The following SUCLG2 variants were observed in gnomAD, a reference collection of about 807,000 sequenced individuals.
SUCLG2 encodes succinate--CoA ligase [GDP-forming] subunit beta, mitochondrial.
In SUCLG2, 42 loss-of-function variants were observed where a neutral mutation model predicts 47.9. The ratio of observed to expected loss-of-function variants is 0.88; its 90% confidence interval spans 0.69 to 1.14. The LOEUF (loss-of-function observed/expected upper bound fraction) is 1.14. Ranked by LOEUF, SUCLG2 falls within the 50% of genes most tolerant of loss-of-function variation. The pLI, the probability that SUCLG2 is intolerant of heterozygous loss-of-function variation, is 0.00. For missense variants in SUCLG2, 571 were observed against 525.9 expected, an observed-to-expected ratio of 1.09 and a Z score of -0.84; for synonymous variants, 195 against 197.3, an observed-to-expected ratio of 0.99 and a Z score of 0.10.
chr3:67,565,945 T>C (rs1354774149), intron 2 of SUCLG2, among the ~76,000 whole-genome samples: 1 of 152,234 alleles, frequency 6.6e-6, no homozygotes, highest in Non-Finnish European at 1.5e-5. Context: ...TAGCTGTCTA[T>C]CCTATCTGAA....
At chr3:67,647,262 G>T (rs553258129) in intron 1 of SUCLG2, among the ~76,000 whole-genome samples, 2 of 152,032 alleles carry the variant, frequency 1.3e-5, no homozygotes, top group Non-Finnish European at 2.9e-5. Context: ...CAAATCCCTC[G>T]AATTTTAAAA....
chr3:67,626,122 C>G (rs1450083602), intron 1 of SUCLG2, among the ~76,000 whole-genome samples: 1 of 151,854 alleles, frequency 6.6e-6, no homozygotes. Context: ...CGGGTTCACG[C>G]CATTCTCCTG....
At chr3:67,568,803 C>T (rs1196440902) in intron 2 of SUCLG2, among the ~76,000 whole-genome samples, 1 of 152,104 alleles carries the variant, frequency 6.6e-6, no homozygotes, top group Non-Finnish European at 1.5e-5. Flanking sequence ...AGGAGAATGG[C>T]GTGAACCCGG....
At chr3:67,528,878 T>G (rs1706328067) in intron 3 of SUCLG2, among the ~76,000 whole-genome samples, 4 of 152,146 alleles carry the variant, frequency 2.6e-5, no homozygotes, top group Admixed American at 2.0e-4. Flanking sequence ...CTGTCAAGTT[T>G]TCACCAATTA....
intron 1 of SUCLG2, among the ~76,000 whole-genome samples, chr3:67,639,530 A>G (rs1270999945): frequency 6.8e-6 from 1 of 147,188 alleles, no homozygotes; most frequent in Non-Finnish European, 1.5e-5. Flanking sequence ...CTTACTCCCA[A>G]GAGCAGCCCC....
At chr3:67,585,992 C>G (rs6785114) in intron 2 of SUCLG2, among the ~76,000 whole-genome samples, 1 of 66,720 alleles carries the variant, frequency 1.5e-5, no homozygotes, top group Non-Finnish European at 2.9e-5. Context: ...AAAAAAAAAA[C>G]CAAACCCACA....
At chr3:67,594,053 G>C (rs1708237822) in intron 2 of SUCLG2, among the ~76,000 whole-genome samples, 1 of 152,154 alleles carries the variant, frequency 6.6e-6, no homozygotes, top group African/African-American at 2.4e-5. Flanking sequence ...TAGCCCACAA[G>C]TCCGAGGAGG....
intron 1 of SUCLG2, among the ~76,000 whole-genome samples, chr3:67,637,910 T>C (rs776769491): frequency 1.3e-5 from 2 of 152,184 alleles, no homozygotes; most frequent in Non-Finnish European, 2.9e-5. Flanking sequence ...CCATTAAAAT[T>C]AGACATGAAG....
intron 1 of SUCLG2, among the ~76,000 whole-genome samples, chr3:67,609,914 G>T (rs914501406): frequency 6.6e-6 from 1 of 152,122 alleles, no homozygotes. Flanking sequence ...ACTACATGAG[G>T]TGTCAGCATT....
At chr3:67,607,099 A>T (rs566785957) in intron 2 of SUCLG2, among the ~76,000 whole-genome samples, 1 of 152,220 alleles carries the variant, frequency 6.6e-6, no homozygotes, top group Non-Finnish European at 1.5e-5. Flanking sequence ...GACAAGACTG[A>T]GTAGCAGACG....
chr3:67,510,916 G>A lies in SUCLG2; in HGVS notation c.661-2013C>T, dbSNP rs1381698062. ...TTTTTTTTTTTTTTTTTTTGAGACC[G>A]AGACTTGCAGTGTTGCCAGCCTGGA... On this transcript the variant is annotated intron_variant, in intron 6 of 10. Coordinates refer to ENST00000307227, the MANE Select transcript of SUCLG2 (RefSeq NM_003848.4). 8.2e-5 allele frequency among the ~76,000 whole-genome samples: 11 copies of A among 133,824 alleles called. No homozygotes were observed. The South Asian group carries it at 9.5e-4, about 12-fold the overall frequency. The allele number at this position is 133,824 out of a possible 152,430, so 87.8% of individuals were successfully genotyped here.
chr3:67,529,051 G>A (rs1251101844), intron 3 of SUCLG2, 36 bp downstream of exon 3: 1 of 1,556,806 alleles, frequency 6.4e-7, no homozygotes, highest in Non-Finnish European at 8.8e-7. Context: ...ATAACTGCTT[G>A]GCCAAAAGAC....
intron 9 of SUCLG2, among the ~76,000 whole-genome samples, chr3:67,402,774 T>C (rs1702716868): frequency 6.6e-6 from 1 of 152,266 alleles, no homozygotes; most frequent in African/African-American, 2.4e-5. Flanking sequence ...CCAGTCTGCA[T>C]ATTCCTTAAG....
At chr3:67,447,155 T>C (rs967221463) in intron 9 of SUCLG2, among the ~76,000 whole-genome samples, 1 of 152,162 alleles carries the variant, frequency 6.6e-6, no homozygotes, top group African/African-American at 2.4e-5. Flanking sequence ...TCAATAAAAC[T>C]GAGTTAATTT....
chr3:67,409,135 G>C, intron 9 of SUCLG2: 1 of 1,294,562 alleles, frequency 7.7e-7, no homozygotes, highest in Non-Finnish European at 1.0e-6. Context: ...ACTGATAAAA[G>C]AGTTGTCCAG....
chr3:67,518,383 A>G, intron 5 of SUCLG2, 47 bp from the exon 6 acceptor site: 1 of 1,541,234 alleles, frequency 6.5e-7, no homozygotes, highest in Non-Finnish European at 8.9e-7. Flanking sequence ...GTCAACTGAG[A>G]AGATTTACAA....
chr3:67,361,715 TG>T (rs1176001213), intron 10 of SUCLG2, among the ~76,000 whole-genome samples: 5 of 152,202 alleles, frequency 3.3e-5, no homozygotes, highest in African/African-American at 1.2e-4. Flanking sequence ...TTTTTTGCCA[TG>T]GGGTTTTAAG....
chr3:67,389,285 G>C (rs1279909083), intron 10 of SUCLG2, among the ~76,000 whole-genome samples: 2 of 152,092 alleles, frequency 1.3e-5, no homozygotes, highest in African/African-American at 4.8e-5. Context: ...GAACTCAATA[G>C]AGAGCGTGGG....
At chr3:67,475,438 T>A (rs1704724878) in intron 9 of SUCLG2, among the ~76,000 whole-genome samples, 1 of 152,104 alleles carries the variant, frequency 6.6e-6, no homozygotes, top group Non-Finnish European at 1.5e-5. Flanking sequence ...TGAGAGCACA[T>A]CCCCAAAGAG....
Sources: allele counts gnomAD v4.1 joint callset (sites outside exome capture counted in the v4.1 genomes callset), GRCh38; gene constraint gnomAD v4.1.1; transcripts MANE v1.5; gene names NCBI Gene and HGNC (gene_info 2026-07-23, HGNC 2026-07-21).